PDLIM1: variants seen among roughly 807,000 people sequenced by gnomAD.
PDLIM1 encodes PDZ and LIM domain 1.
A neutral mutation model predicts 35.2 loss-of-function variants in PDLIM1; 25 were observed. That is an observed-to-expected ratio of 0.71 (90% CI 0.52 to 0.99). The LOEUF (loss-of-function observed/expected upper bound fraction) is 0.99, where lower values mean the gene tolerates loss of function less well. Among genes scored for constraint, PDLIM1 ranks in the 50% least tolerant of loss-of-function variants. PDLIM1 has a pLI of 0.00. For synonymous variants in PDLIM1, 152 were observed against 154.0 expected (o/e 0.99, Z 0.10); for missense variants, 363 against 415.3 (o/e 0.87, Z 1.09).
rs151214316 is a variant in PDLIM1, at chr10:95,271,524, T to C, written c.248+109A>G. 649 of 834,686 alleles carry C rather than the reference T, an allele frequency of 7.8e-4. 7 individuals carry two copies. In the East Asian group the frequency reaches 0.012, roughly 16 times the overall value. The allele number at this position is 834,686 out of a possible 1,614,324, so 51.7% of individuals were successfully genotyped here. On this transcript the variant is annotated intron_variant, in intron 2 of 6. Transcript: ENST00000329399. Reference sequence around the variant, plus strand: ...TTTTGGCATGCCTATAGTATATACATGGCACTGAGCTAGGAGGTCTGGGGG... The same window carrying C: ...TTTTGGCATGCCTATAGTATATACACGGCACTGAGCTAGGAGGTCTGGGGG...
intron 4 of PDLIM1, among the ~76,000 whole-genome samples, chr10:95,260,390 C>A (rs1470867508): frequency 6.6e-6 from 1 of 152,148 alleles, no homozygotes; most frequent in Non-Finnish European, 1.5e-5. Context: ...TGACCAGGGT[C>A]CCCTCAACTC....
intron 1 of PDLIM1, among the ~76,000 whole-genome samples, chr10:95,277,672 C>G (rs563053695): frequency 9.1e-4 from 127 of 139,484 alleles, no homozygotes; most frequent in Non-Finnish European, 1.8e-3. Context: ...AAACAGTAAA[C>G]GGGTTTAGGC....
At chr10:95,252,634 A>G (rs2035276732) in intron 4 of PDLIM1, among the ~76,000 whole-genome samples, 1 of 152,236 alleles carries the variant, frequency 6.6e-6, no homozygotes, top group Admixed American at 6.5e-5. Context: ...CATCATAAAA[A>G]TGTTTCAATG....
At chr10:95,247,647 T>C (rs778345304) in intron 4 of PDLIM1, 1 of 280,704 alleles carries the variant, frequency 3.6e-6, no homozygotes, top group Non-Finnish European at 6.6e-6. Flanking sequence ...GAGAATGCTC[T>C]ATCTCTTTAT....
intron 1 of PDLIM1, among the ~76,000 whole-genome samples, chr10:95,282,861 T>C (rs2035572461): frequency 6.6e-6 from 1 of 152,146 alleles, no homozygotes; most frequent in African/African-American, 2.4e-5. Flanking sequence ...GGAGGATCAC[T>C]TGAACCCAGG....
intron 3 of PDLIM1, among the ~76,000 whole-genome samples, chr10:95,267,255 T>G (rs1053452148): frequency 5.9e-5 from 9 of 152,236 alleles, no homozygotes; most frequent in Admixed American, 4.6e-4. Flanking sequence ...AAACTATAAC[T>G]GAAATTTACA....
At chr10:95,289,908 A>C (rs1219635071) in intron 1 of PDLIM1, among the ~76,000 whole-genome samples, 1 of 152,192 alleles carries the variant, frequency 6.6e-6, no homozygotes, top group Non-Finnish European at 1.5e-5. Flanking sequence ...GACATCTCTT[A>C]GTGGGACATC....
chr10:95,259,167 C>T (rs2035341361), intron 4 of PDLIM1, among the ~76,000 whole-genome samples: 1 of 152,036 alleles, frequency 6.6e-6, no homozygotes, highest in African/African-American at 2.4e-5. Flanking sequence ...ATTGTGTTTT[C>T]AAGATGTTAC....
At position 95,264,238 on chromosome 10, in the gene PDLIM1, G is replaced by T. The variant is rs546534575; in HGVS notation, c.334-175C>A. On this transcript the variant is annotated intron_variant, in intron 3 of 6. Transcript: ENST00000329399. Reference sequence around the variant, plus strand: ...CCACTGAGACACACGGGCAATGACTGGGGAAGTTTCCCACAATGGGCACCT... The same window carrying T: ...CCACTGAGACACACGGGCAATGACTTGGGAAGTTTCCCACAATGGGCACCT... Among the ~76,000 whole-genome samples, 5 of 152,186 alleles carry T rather than the reference G, an allele frequency of 3.3e-5. No individual in the cohort carries two copies. In the East Asian group the frequency reaches 9.7e-4, roughly 29 times the overall value.
intron 3 of PDLIM1, 24 bp downstream of exon 3, chr10:95,268,754 C>T (rs773051062): frequency 6.8e-6 from 10 of 1,476,806 alleles, no homozygotes; most frequent in Admixed American, 1.7e-5. Context: ...GTGAGAGCAG[C>T]GGCAACGATG....
intron 4 of PDLIM1, among the ~76,000 whole-genome samples, chr10:95,258,992 A>G (rs1178072950): frequency 6.6e-6 from 1 of 152,212 alleles, no homozygotes; most frequent in Admixed American, 6.5e-5. Context: ...TTTTGAAATA[A>G]TAAAAATATA....
At chr10:95,239,448 C>A (rs977534272) in intron 5 of PDLIM1, among the ~76,000 whole-genome samples, 1 of 152,128 alleles carries the variant, frequency 6.6e-6, no homozygotes, top group East Asian at 1.9e-4. Flanking sequence ...GCAATCTATC[C>A]ATCTGACAAA....
At chr10:95,252,268 G>A (rs908382718) in intron 4 of PDLIM1, among the ~76,000 whole-genome samples, 5 of 152,262 alleles carry the variant, frequency 3.3e-5, no homozygotes, top group African/African-American at 1.2e-4. Context: ...CCCATAAGGT[G>A]TCAGTGGAAG....
At chr10:95,279,884 A>G (rs1219352023) in intron 1 of PDLIM1, among the ~76,000 whole-genome samples, 3 of 152,230 alleles carry the variant, frequency 2.0e-5, no homozygotes, top group African/African-American at 7.2e-5. Flanking sequence ...TTCAGCGATG[A>G]GGAAAAATAT....
chr10:95,272,847 A>G (rs1046919152), intron 1 of PDLIM1, among the ~76,000 whole-genome samples: 6 of 152,138 alleles, frequency 3.9e-5, no homozygotes, highest in Admixed American at 1.3e-4. Context: ...TTCCAAATTG[A>G]CAGATCATTG....
intron 3 of PDLIM1, among the ~76,000 whole-genome samples, chr10:95,265,706 G>A (rs45589937): frequency 6.6e-6 from 1 of 151,742 alleles, no homozygotes; most frequent in East Asian, 1.9e-4. Context: ...CTTGAGCCTA[G>A]GAGTTCGAAA....
At chr10:95,263,818 A>T in intron 4 of PDLIM1, 46 bp downstream of exon 4, 2 of 1,490,692 alleles carry the variant, frequency 1.3e-6, no homozygotes, top group Non-Finnish European at 1.8e-6. Context: ...TGATGTGAAA[A>T]GCCCCTCCCA....
In PDLIM1 at chr10:95,290,035, A is replaced by C. The variant is rs1205232245; in HGVS notation, c.96+785T>G. On this transcript the variant is annotated intron_variant, in intron 1 of 6. Coordinates refer to ENST00000329399, the MANE Select transcript of PDLIM1 (RefSeq NM_020992.4). This position sits in a 1 kb window ranked among gnomAD's most constrained non-coding sequence, Gnocchi z 4.7. ...AATGGTTCTGGTGGCCCCTGATTCA[A>C]CGTGAGTCCTTCTAAAGATCCGAAG... Among the ~76,000 whole-genome samples the C allele has an allele frequency of 6.6e-6, 1 of 152,174 alleles. No homozygotes were observed. Among genetic ancestry groups the C allele is most frequent in the East Asian group, 1.9e-4 (1 of 5,198 alleles).
intron 1 of PDLIM1, chr10:95,273,367 G>C (rs2035481192): frequency 6.6e-6 from 1 of 152,162 alleles, no homozygotes; most frequent in South Asian, 2.1e-4. Flanking sequence ...CACACAAGTT[G>C]GGTCCTAAAC....
Sources: allele counts gnomAD v4.1 joint callset (sites outside exome capture counted in the v4.1 genomes callset), GRCh38; gene constraint gnomAD v4.1.1; non-coding constraint Gnocchi (gnomAD v3.1); transcripts MANE v1.5; gene names NCBI Gene and HGNC (gene_info 2026-07-23, HGNC 2026-07-21).